Variants in GSK3B observed in about 807,000 individuals in gnomAD.
The protein encoded by GSK3B is glycogen synthase kinase 3 beta, also known as glycogen synthase kinase-3 beta.
Under a neutral mutation model 56.4 loss-of-function variants are expected in GSK3B, and 15 were observed. The observed-to-expected ratio is 0.27, with a 90% CI of 0.18 to 0.41. The LOEUF (loss-of-function observed/expected upper bound fraction) is 0.41, where lower values mean the gene tolerates loss of function less well. Among genes scored for constraint, GSK3B ranks in the 10% least tolerant of loss-of-function variants. The pLI, the probability that GSK3B is intolerant of heterozygous loss-of-function variation, is 1.00. For synonymous variants in GSK3B, 181 were observed against 188.9 expected (o/e 0.96, Z 0.34); for missense variants, 300 against 513.4 (o/e 0.58, Z 4.02).
At chr3:119,830,733 C>T (rs1376705236) in intron 10 of GSK3B, among the ~76,000 whole-genome samples, 3 of 152,184 alleles carry the variant, frequency 2.0e-5, no homozygotes, top group Non-Finnish European at 4.4e-5. Context: ...ACTCTATAAA[C>T]ATTTATTGAG....
chr3:119,951,104 G>C (rs574489464), intron 2 of GSK3B, among the ~76,000 whole-genome samples: 20 of 152,342 alleles, frequency 1.3e-4, no homozygotes, highest in African/African-American at 4.8e-4. Flanking sequence ...CTGGAAATGA[G>C]AGAGGCACAG....
chr3:120,090,613 CTG>C (rs1185918495), intron 1 of GSK3B, among the ~76,000 whole-genome samples: 1 of 152,172 alleles, frequency 6.6e-6, no homozygotes, highest in Non-Finnish European at 1.5e-5. Flanking sequence ...TTCATTCACA[CTG>C]TCTCTCAAAC....
Position 119,971,854 on chromosome 3 carries a change from G to A in GSK3B, c.283-24503C>T, listed in dbSNP as rs1022496974. Among the ~76,000 whole-genome samples, 5 of 151,558 alleles carry A rather than the reference G, an allele frequency of 3.3e-5. No individual in the cohort carries two copies. In the East Asian group the frequency reaches 5.8e-4, roughly 18 times the overall value. On this transcript the variant is annotated intron_variant, in intron 2 of 10. Coordinates refer to ENST00000264235, the MANE Select transcript of GSK3B (RefSeq NM_001146156.2). ...TCTCGATCTCCTGACCTCGTGATCC[G>A]CCCGCCTCGGCCTCCCAAAGTGCTG...
chr3:119,981,571 C>T (rs892039152), intron 2 of GSK3B, among the ~76,000 whole-genome samples: 5 of 152,270 alleles, frequency 3.3e-5, no homozygotes, highest in Admixed American at 1.3e-4. Flanking sequence ...GGGTCCCACG[C>T]CCACGGAGCC....
chr3:119,893,209 T>C (rs1469017862), intron 7 of GSK3B, among the ~76,000 whole-genome samples: 1 of 152,024 alleles, frequency 6.6e-6, no homozygotes. Flanking sequence ...AGCTTCCTCC[T>C]GTTGGTCTTG....
At chr3:120,022,849 G>A (rs1348002138) in intron 1 of GSK3B, among the ~76,000 whole-genome samples, 1 of 152,216 alleles carries the variant, frequency 6.6e-6, no homozygotes, top group Non-Finnish European at 1.5e-5. Context: ...ATCACTGCCT[G>A]AGAAATAAAA....
intron 8 of GSK3B, among the ~76,000 whole-genome samples, chr3:119,875,542 CACACAG>C (rs1279522974): frequency 2.2e-5 from 3 of 138,216 alleles, no homozygotes; most frequent in African/African-American, 8.7e-5. Context: ...CACACACACA[CACACAG>C]AAGTTTAATC....
intron 7 of GSK3B, among the ~76,000 whole-genome samples, chr3:119,879,386 G>A (rs1037137069): frequency 7.9e-5 from 12 of 151,992 alleles, no homozygotes; most frequent in Non-Finnish European, 1.8e-4. Flanking sequence ...TTTCACAGTG[G>A]TAGCCAGGAT....
chr3:119,840,349 T>C (rs1459497358), intron 10 of GSK3B, among the ~76,000 whole-genome samples: 1 of 151,912 alleles, frequency 6.6e-6, no homozygotes, highest in African/African-American at 2.4e-5. Flanking sequence ...CTTAACCTCC[T>C]GAGTAGCTGG....
At chr3:120,050,544 T>C (rs1028886998) in intron 1 of GSK3B, among the ~76,000 whole-genome samples, 2 of 152,180 alleles carry the variant, frequency 1.3e-5, no homozygotes, top group Admixed American at 6.5e-5. Context: ...GAATGACTAC[T>C]GGTGGAGAAC....
intron 1 of GSK3B, among the ~76,000 whole-genome samples, chr3:120,020,177 AGGT>A (rs2057863964): frequency 1.3e-5 from 2 of 152,336 alleles, no homozygotes; most frequent in Non-Finnish European, 2.9e-5. Context: ...ATAAAATAGC[AGGT>A]AATAACTACG....
chr3:119,838,052 C>G (rs1284289057), intron 10 of GSK3B, among the ~76,000 whole-genome samples: 1 of 150,876 alleles, frequency 6.6e-6, no homozygotes, highest in Non-Finnish European at 1.5e-5. Context: ...CTTTGGGAGG[C>G]CAAGGCAGGC....
At chr3:120,052,176 G>A (rs964335653) in intron 1 of GSK3B, among the ~76,000 whole-genome samples, 1 of 152,136 alleles carries the variant, frequency 6.6e-6, no homozygotes, top group African/African-American at 2.4e-5. Context: ...TATAAAAAAG[G>A]TGCAAATTTT....
chr3:119,838,132 G>A (rs111424488), intron 10 of GSK3B, among the ~76,000 whole-genome samples: 1 of 151,558 alleles, frequency 6.6e-6, no homozygotes, highest in African/African-American at 2.4e-5. Flanking sequence ...TACTAAAATT[G>A]CAAAAAATTA....
intron 7 of GSK3B, among the ~76,000 whole-genome samples, chr3:119,888,501 C>A (rs2056465170): frequency 1.3e-5 from 2 of 152,018 alleles, no homozygotes; most frequent in African/African-American, 4.8e-5. Context: ...ATCTCTTAAT[C>A]CTGTTATCTT....
chr3:120,030,466 C>A (rs2057966236), intron 1 of GSK3B, among the ~76,000 whole-genome samples: 1 of 152,212 alleles, frequency 6.6e-6, no homozygotes, highest in South Asian at 2.1e-4. Flanking sequence ...TTAAAGCCTT[C>A]AGCATCTTTT....
intron 6 of GSK3B, among the ~76,000 whole-genome samples, chr3:119,910,985 T>C (rs971760398): frequency 8.5e-5 from 13 of 152,190 alleles, no homozygotes; most frequent in African/African-American, 3.1e-4. Flanking sequence ...TTCCACAACA[T>C]CTGCAGAGAC....
chr3:120,021,872 G>T (rs1342817202), intron 1 of GSK3B, among the ~76,000 whole-genome samples: 1 of 152,138 alleles, frequency 6.6e-6, no homozygotes, highest in Non-Finnish European at 1.5e-5. Context: ...GGTTTGAGAG[G>T]ACTGATTCCA....
At chr3:120,075,847 T>C (rs2058363176) in intron 1 of GSK3B, among the ~76,000 whole-genome samples, 1 of 151,950 alleles carries the variant, frequency 6.6e-6, no homozygotes, top group South Asian at 2.1e-4. Context: ...AAAATCCCAA[T>C]GGCATTCTTC....
Sources: allele counts gnomAD v4.1 joint callset (sites outside exome capture counted in the v4.1 genomes callset), GRCh38; gene constraint gnomAD v4.1.1; transcripts MANE v1.5; gene names NCBI Gene and HGNC (gene_info 2026-07-23, HGNC 2026-07-21).